The following CALN1 variants were observed in gnomAD, a reference collection of about 807,000 sequenced individuals.
The protein encoded by CALN1 is calcium-binding protein 8.
Under a neutral mutation model 30.6 loss-of-function variants are expected in CALN1, and 17 were observed. The observed-to-expected ratio is 0.56, with a 90% CI of 0.38 to 0.83. The LOEUF is 0.83. CALN1 is among the 40% of genes least tolerant of loss of function. CALN1 has a pLI of 0.00. For synonymous variants in CALN1, 156 were observed against 131.4 expected (o/e 1.19, Z -1.28); for missense variants, 291 against 354.9 (o/e 0.82, Z 1.45).
At chr7:71,811,961 G>T (rs1307078219) in intron 5 of CALN1, among the ~76,000 whole-genome samples, 1 of 151,666 alleles carries the variant, frequency 6.6e-6, no homozygotes, top group African/African-American at 2.4e-5. Context: ...TTACAGGTGT[G>T]AGCCACTGCG....
chr7:72,461,498 C>A, the CALN1 span, among the ~76,000 whole-genome samples: 1 of 152,150 alleles, frequency 6.6e-6, no homozygotes, highest in South Asian at 2.1e-4. Context: ...AAATCATGTC[C>A]TTTGCAGCCA....
intron 5 of CALN1, among the ~76,000 whole-genome samples, chr7:71,931,688 C>A (rs1430344450): frequency 6.6e-6 from 1 of 152,212 alleles, no homozygotes; most frequent in East Asian, 1.9e-4. Context: ...AAAGCCGTTG[C>A]TACTGAGGGA....
At chr7:72,390,799 T>G (rs1262196285) in intron 2 of CALN1, among the ~76,000 whole-genome samples, 1 of 151,962 alleles carries the variant, frequency 6.6e-6, no homozygotes, top group Non-Finnish European at 1.5e-5. Context: ...AGGAAGCACA[T>G]GTGTTATTAT....
chr7:71,871,955 T>C (rs58146246), intron 5 of CALN1, among the ~76,000 whole-genome samples: 37,485 of 152,102 alleles, frequency 0.25, 4,968 homozygotes, highest in African/African-American at 0.32. Flanking sequence ...ATGGAAATGA[T>C]CATTCCGTAC....
chr7:71,964,975 C>T (rs548930539), intron 5 of CALN1, among the ~76,000 whole-genome samples: 2 of 152,194 alleles, frequency 1.3e-5, no homozygotes, highest in South Asian at 2.1e-4. Context: ...TAGTAGAGAC[C>T]GTTTTTGAGG....
At chr7:72,026,615 T>C (rs861499) in intron 4 of CALN1, among the ~76,000 whole-genome samples, 2,762 of 151,938 alleles carry the variant, frequency 0.018, 97 homozygotes, top group African/African-American at 0.064. Flanking sequence ...GGGGTCTTGC[T>C]ATGTTGCCCA....
intron 5 of CALN1, among the ~76,000 whole-genome samples, chr7:71,821,377 C>A (rs1371598411): frequency 6.6e-6 from 1 of 152,116 alleles, no homozygotes; most frequent in Non-Finnish European, 1.5e-5. Context: ...GTTTAAAGGA[C>A]TCACCGTTCC....
intron 3 of CALN1, among the ~76,000 whole-genome samples, chr7:72,240,469 A>G (rs1585242436): frequency 6.6e-6 from 1 of 152,324 alleles, no homozygotes. Flanking sequence ...CGCTGGTGTT[A>G]CAGGTATGAG....
chr7:72,358,464 A>G (rs1803370839), intron 2 of CALN1, among the ~76,000 whole-genome samples: 1 of 150,130 alleles, frequency 6.7e-6, no homozygotes. Context: ...GAGAGCACTG[A>G]CTTTGACATT....
intron 4 of CALN1, among the ~76,000 whole-genome samples, chr7:72,067,522 T>C (rs1198426200): frequency 6.6e-6 from 1 of 152,142 alleles, no homozygotes; most frequent in African/African-American, 2.4e-5. Flanking sequence ...AGTGTTGGAA[T>C]TACAGGCATG....
intron 2 of CALN1, among the ~76,000 whole-genome samples, chr7:72,392,244 T>C (rs573921879): frequency 6.6e-6 from 1 of 152,360 alleles, no homozygotes; most frequent in African/African-American, 2.4e-5. Flanking sequence ...CCATCTGCGT[T>C]TCTCCAACAG....
intron 1 of CALN1, among the ~76,000 whole-genome samples, chr7:72,438,471 C>A (rs1562968921): frequency 6.6e-6 from 1 of 152,164 alleles, no homozygotes; most frequent in Non-Finnish European, 1.5e-5. Context: ...GATTAAGTCT[C>A]CCTCATTCTA....
In CALN1 at chr7:72,336,741, G is replaced by A. The variant is rs1001195924; in HGVS notation, c.120-57931C>T. On this transcript the variant is annotated intron_variant, in intron 2 of 6. Transcript: ENST00000395275. ...CGGGGCTCCGCAGCCCGGCAGCCGA[G>A]GCGCCTCCGCACAGCGCGGGGGGCT... is the stretch of plus-strand genomic sequence containing the variant. The A allele has an allele frequency of 1.5e-5, 15 of 985,390 alleles. No individual in the cohort carries two copies. The African/African-American group carries it at 2.4e-4, about 16-fold the overall frequency. 61.0% of individuals were successfully genotyped at this position (985,390 alleles called of 1,614,324 possible). A position where few individuals can be genotyped will look rare whatever the true frequency, so the allele number is the denominator to read the frequency against.
the CALN1 span, among the ~76,000 whole-genome samples, chr7:72,464,348 C>A: frequency 6.6e-6 from 1 of 152,302 alleles, no homozygotes; most frequent in East Asian, 1.9e-4. Flanking sequence ...TCATGTGGAA[C>A]TAGACCGTGC....
intron 2 of CALN1, among the ~76,000 whole-genome samples, chr7:72,346,189 G>C (rs1319691994): frequency 6.6e-6 from 1 of 152,124 alleles, no homozygotes. Flanking sequence ...ATGGTAATTT[G>C]TTATGCAGAA....
At chr7:72,429,399 G>A (rs1562965480) in intron 1 of CALN1, among the ~76,000 whole-genome samples, 1 of 152,058 alleles carries the variant, frequency 6.6e-6, no homozygotes, top group African/African-American at 2.4e-5. Flanking sequence ...AATGAATGTG[G>A]CGTAATGTGG....
chr7:71,871,664 G>T (rs1417645643), intron 5 of CALN1, among the ~76,000 whole-genome samples: 1 of 152,066 alleles, frequency 6.6e-6, no homozygotes, highest in African/African-American at 2.4e-5. Context: ...TCCTCCTCAG[G>T]ACATCGCACC....
intron 2 of CALN1, among the ~76,000 whole-genome samples, chr7:72,290,109 A>T (rs1422179553): frequency 7.3e-6 from 1 of 136,204 alleles, no homozygotes; most frequent in African/African-American, 2.7e-5. Context: ...AAAAAAAAAA[A>T]AAAAAAAAAA....
chr7:72,369,359 T>TTTTTTGTTGTTGTTG lies in CALN1; in HGVS notation c.119+33891_119+33892insCAACAACAACAAAAA, dbSNP rs3030372. Among the ~76,000 whole-genome samples the TTTTTTGTTGTTGTTG allele has an allele frequency of 2.2e-4, 32 of 146,714 alleles. 1 individual carries two copies. The highest frequency in any genetic ancestry group is 7.5e-4 in the African/African-American group (30 of 39,960). On this transcript the variant is annotated intron_variant, in intron 2 of 6. Transcript: ENST00000395275. Reference sequence around the variant, plus strand: ...TATAAATATTATAAATATTTATTTTTTTGTTGTTGTTGTTTGTTTTTGAGA... The same window carrying TTTTTTGTTGTTGTTG: ...TATAAATATTATAAATATTTATTTTTTTTTTGTTGTTGTTGTTGTTGTTGTTGTTTGTTTTTGAGA...
Sources: gnomAD v4.1 joint callset for allele counts (sites outside exome capture counted in the v4.1 genomes callset) on GRCh38, gnomAD v4.1.1 for gene constraint, MANE v1.5 for transcripts, NCBI Gene and HGNC (gene_info 2026-07-23, HGNC 2026-07-21) for gene names.